The following DMD variants were observed in gnomAD, a reference collection of about 807,000 sequenced individuals.
DMD encodes mutant dystrophin.
DMD carries 63 observed loss-of-function variants against 330.1 expected under a neutral mutation model. That is an observed-to-expected ratio of 0.19 (90% CI 0.16 to 0.24). The LOEUF (loss-of-function observed/expected upper bound fraction) is 0.24. Ranked by LOEUF, DMD falls within the 10% of genes least tolerant of loss-of-function variation. The pLI, the probability that DMD is intolerant of heterozygous loss-of-function variation, is 1.00. For missense variants in DMD, 3,344 were observed against 2,684.1 expected (o/e 1.25, Z -5.43); for synonymous variants, 1,223 against 959.8 (o/e 1.27, Z -5.07).
intron 1 of DMD, among the ~76,000 whole-genome samples, chrX:33,118,829 A>G (rs865981379): frequency 2.7e-5 from 3 of 110,978 alleles, no homozygotes; most frequent in East Asian, 5.7e-4. Context: ...TTCACCCTCA[A>G]CTTTTACTCC....
intron 43 of DMD, among the ~76,000 whole-genome samples, chrX:32,267,219 T>G (rs1603629613): frequency 1.8e-5 from 2 of 112,510 alleles, no homozygotes; most frequent in South Asian, 7.4e-4. Context: ...AACCTTAAAC[T>G]ACATCCAGCC....
At chrX:31,996,406 C>T (rs1329760400) in intron 44 of DMD, among the ~76,000 whole-genome samples, 2 of 111,202 alleles carry the variant, frequency 1.8e-5, no homozygotes, top group East Asian at 2.8e-4. Flanking sequence ...TTCCAAACTG[C>T]GAGGGACAGT....
intron 74 of DMD, among the ~76,000 whole-genome samples, chrX:31,161,433 C>T (rs918537246): frequency 8.9e-6 from 1 of 111,839 alleles, no homozygotes; most frequent in African/African-American, 3.3e-5. Context: ...CTTGAAATGT[C>T]CTTGGGCAAA....
rs774592302 is a variant in DMD, at chrX:32,847,924, G to A, written c.186+1804C>T. Among the ~76,000 whole-genome samples, 4 of 112,269 alleles carry A rather than the reference G, an allele frequency of 3.6e-5. No homozygotes were observed. The South Asian group carries it at 1.5e-3, about 41-fold the overall frequency. ...TTTCTTTATATCAAATGGGTAGTGT[G>A]CCAACATCATAAGTTTAGAGAAAGG... On this transcript the variant is annotated intron_variant, in intron 3 of 78. Coordinates refer to ENST00000357033, the MANE Select transcript of DMD (RefSeq NM_004006.3).
intron 6 of DMD, among the ~76,000 whole-genome samples, chrX:32,813,519 C>T (rs981575743): frequency 1.8e-5 from 2 of 111,748 alleles, no homozygotes; most frequent in East Asian, 5.6e-4. Context: ...CGTCATGGAA[C>T]TTGATTGAAT....
At chrX:32,930,816 T>TTA (rs2089519226) in intron 2 of DMD, among the ~76,000 whole-genome samples, 1 of 110,038 alleles carries the variant, frequency 9.1e-6, no homozygotes. Context: ...TTCTTTTGCA[T>TTA]TATATATATT....
intron 4 of DMD, among the ~76,000 whole-genome samples, chrX:32,833,543 A>G (rs1453825230): frequency 9.1e-6 from 1 of 109,750 alleles, no homozygotes; most frequent in African/African-American, 3.3e-5. Flanking sequence ...TTTAGTATGA[A>G]AGATATATAT....
intron 51 of DMD, among the ~76,000 whole-genome samples, chrX:31,762,563 C>CAAAACA (rs754668894): frequency 9.9e-5 from 11 of 111,262 alleles, no homozygotes; most frequent in South Asian, 3.8e-4. Flanking sequence ...GACTCCATCT[C>CAAAACA]AAAACAAAAA....
At chrX:31,706,317 A>G (rs2084185808) in intron 52 of DMD, among the ~76,000 whole-genome samples, 1 of 106,910 alleles carries the variant, frequency 9.4e-6, no homozygotes, top group Admixed American at 1.0e-4. Flanking sequence ...TAAAATTTAC[A>G]AAAAAAAAAT....
chrX:31,269,731 C>T (rs2051470382), intron 62 of DMD, among the ~76,000 whole-genome samples: 2 of 111,936 alleles, frequency 1.8e-5, no homozygotes, highest in Admixed American at 9.4e-5. Flanking sequence ...TACATTTTCC[C>T]GTAGCCAAAA....
At chrX:32,978,175 C>A (rs1423459849) in intron 2 of DMD, among the ~76,000 whole-genome samples, 1 of 111,783 alleles carries the variant, frequency 8.9e-6, no homozygotes, top group African/African-American at 3.3e-5. Context: ...GAGTTTACTA[C>A]ACAGAGAAAA....
chrX:31,136,278 T>C (rs1277073325), intron 76 of DMD, among the ~76,000 whole-genome samples: 1 of 111,816 alleles, frequency 8.9e-6, no homozygotes, highest in Non-Finnish European at 1.9e-5. Flanking sequence ...TCTCTCTCTC[T>C]TCCTCCCCCC....
intron 53 of DMD, among the ~76,000 whole-genome samples, chrX:31,666,166 C>A (rs1248442128): frequency 9.0e-6 from 1 of 111,550 alleles, no homozygotes; most frequent in Non-Finnish European, 1.9e-5. Context: ...CCTTTTCAGA[C>A]CCCATGAGCA....
At chrX:33,258,256 A>G (rs2052891388) in intron 1 of DMD, among the ~76,000 whole-genome samples, 1 of 111,176 alleles carries the variant, frequency 9.0e-6, no homozygotes, top group African/African-American at 3.2e-5. Flanking sequence ...CTGTCAACTC[A>G]CTTTAAAAGA....
At chrX:32,509,723 G>A (rs1026607127) in intron 18 of DMD, among the ~76,000 whole-genome samples, 6 of 111,692 alleles carry the variant, frequency 5.4e-5, no homozygotes, top group Non-Finnish European at 9.4e-5. Context: ...TTGGCTTCAC[G>A]TACTACTTGA....
chrX:31,547,054 T>C (rs2074181877), intron 55 of DMD, among the ~76,000 whole-genome samples: 1 of 112,670 alleles, frequency 8.9e-6, no homozygotes, highest in Non-Finnish European at 1.9e-5. Context: ...CTGCAGGTTA[T>C]ATTTTTACAC....
chrX:32,359,865 AATAAT>A (rs2097824515), intron 37 of DMD, among the ~76,000 whole-genome samples: 2 of 110,858 alleles, frequency 1.8e-5, no homozygotes, highest in Non-Finnish European at 3.8e-5. Flanking sequence ...TTTAATTTTA[AATAAT>A]ATGATTTTAA....
Position 33,294,642 on chromosome X carries a change from A to G in DMD, c.7+44617T>C, listed in dbSNP as rs745832439. ...TAGGTAGTAAAATGTTTACTACCGA[A>G]AAAAAAAACTTTTGCCAAAATGTGT... is the stretch of plus-strand genomic sequence containing the variant. On this transcript the variant is annotated intron_variant, in intron 1 of 17. Transcript: ENST00000288447. Among the ~76,000 whole-genome samples the G allele has an allele frequency of 4.5e-5, 5 of 109,958 alleles. No homozygotes were observed. In the South Asian group the frequency reaches 1.9e-3, roughly 43 times the overall value.
intron 7 of DMD, among the ~76,000 whole-genome samples, chrX:32,752,020 G>C (rs889864564): frequency 8.9e-6 from 1 of 112,803 alleles, no homozygotes; most frequent in African/African-American, 3.2e-5. Flanking sequence ...CCAGGTAGAA[G>C]TTTGCTGTAG....
Sources: gnomAD v4.1 joint callset for allele counts (sites outside exome capture counted in the v4.1 genomes callset) on GRCh38, gnomAD v4.1.1 for gene constraint, MANE v1.5 for transcripts, NCBI Gene and HGNC (gene_info 2026-07-23, HGNC 2026-07-21) for gene names.